Variants in TENM2 observed in about 807,000 individuals in gnomAD.
The protein encoded by TENM2 is teneurin transmembrane protein 2.
Under a neutral mutation model 245.2 loss-of-function variants are expected in TENM2, and 52 were observed. That is an observed-to-expected ratio of 0.21 (90% confidence interval 0.17 to 0.27). The LOEUF (loss-of-function observed/expected upper bound fraction) is 0.27, where lower values mean the gene tolerates loss of function less well. TENM2 is among the 10% of genes least tolerant of loss of function. TENM2 has a pLI of 1.00. For missense variants in TENM2, 3,046 were observed against 3,666.8 expected (o/e 0.83, Z 4.37); for synonymous variants, 1,363 against 1,438.9 (o/e 0.95, Z 1.19).
chr5:167,747,876 C>T (rs1295630439), intron 2 of TENM2, among the ~76,000 whole-genome samples: 1 of 152,132 alleles, frequency 6.6e-6, no homozygotes, highest in African/African-American at 2.4e-5. Context: ...CACTGAATTT[C>T]ATTTCAAGTC....
chr5:168,122,753 C>T (rs1029108863), intron 10 of TENM2, among the ~76,000 whole-genome samples: 5 of 152,032 alleles, frequency 3.3e-5, no homozygotes, highest in African/African-American at 7.3e-5. Flanking sequence ...ATGCCTGAAA[C>T]GGTTTTGAAA....
rs368456511 is a variant in TENM2 at position 168,256,677 on chromosome 5, G to A, written c.7433-3606G>A. ...TGACCGCAGGTGATCCACCCGCCTC[G>A]GCCTCCCAAAATGCTGGGATTGCAG... On this transcript the variant is annotated intron_variant, in intron 27 of 28. Transcript: ENST00000518659. Among the ~76,000 whole-genome samples the A allele has an allele frequency of 2.4e-4, 37 of 152,106 alleles. No individual in the cohort carries two copies. In the South Asian group the frequency reaches 4.0e-3, roughly 16 times the overall value.
At chr5:167,376,679 T>C (rs1467654349) in intron 2 of TENM2, among the ~76,000 whole-genome samples, 2 of 152,226 alleles carry the variant, frequency 1.3e-5, no homozygotes, top group Admixed American at 1.3e-4. Flanking sequence ...CCTCCGTTCA[T>C]GTAGCTAATC....
intron 2 of TENM2, among the ~76,000 whole-genome samples, chr5:167,478,161 C>G (rs1015697461): frequency 6.6e-6 from 1 of 152,186 alleles, no homozygotes; most frequent in Non-Finnish European, 1.5e-5. Context: ...ACAAACAAGG[C>G]TCAATGGCCA....
At chr5:167,078,933 G>T in the TENM2 span, among the ~76,000 whole-genome samples, 1 of 152,058 alleles carries the variant, frequency 6.6e-6, no homozygotes. Context: ...GTTAGACAGC[G>T]ATATCACAAA....
intron 2 of TENM2, among the ~76,000 whole-genome samples, chr5:167,758,788 A>T (rs986101175): frequency 2.0e-5 from 3 of 152,032 alleles, no homozygotes; most frequent in African/African-American, 7.2e-5. Flanking sequence ...AACCTTGACC[A>T]CAACTGTTTA....
chr5:167,630,297 A>T (rs1778783371), intron 2 of TENM2, among the ~76,000 whole-genome samples: 1 of 152,084 alleles, frequency 6.6e-6, no homozygotes. Flanking sequence ...GCACTGTGAC[A>T]CCCTACAGTG....
intron 7 of TENM2, among the ~76,000 whole-genome samples, chr5:168,082,709 G>A (rs1029323106): frequency 6.6e-6 from 1 of 152,132 alleles, no homozygotes. Context: ...GGAGTTTGCT[G>A]GAGATCCACT....
intron 2 of TENM2, among the ~76,000 whole-genome samples, chr5:167,855,775 G>A: frequency 1.5e-5 from 2 of 129,990 alleles, no homozygotes; most frequent in Non-Finnish European, 3.3e-5. Flanking sequence ...GGGAGGGAAT[G>A]AGGGAAGGAG....
chr5:168,113,884 A>G (rs1794867501), intron 9 of TENM2, among the ~76,000 whole-genome samples: 2 of 152,194 alleles, frequency 1.3e-5, no homozygotes, highest in Admixed American at 1.3e-4. Flanking sequence ...AAGCCTTAGG[A>G]AGAAGAGAGA....
At chr5:167,960,692 C>A (rs944638398) in intron 4 of TENM2, among the ~76,000 whole-genome samples, 4 of 152,174 alleles carry the variant, frequency 2.6e-5, no homozygotes, top group African/African-American at 9.7e-5. Flanking sequence ...AGCCCCCTTT[C>A]CAGGGGAGTG....
intron 12 of TENM2, among the ~76,000 whole-genome samples, chr5:168,141,036 C>G (rs992082396): frequency 6.6e-6 from 1 of 152,014 alleles, no homozygotes; most frequent in African/African-American, 2.4e-5. Flanking sequence ...GGTTCAAGAG[C>G]TTTGCTACAT....
chr5:167,186,064 A>G, the TENM2 span, among the ~76,000 whole-genome samples: 2 of 152,296 alleles, frequency 1.3e-5, no homozygotes, highest in African/African-American at 4.8e-5. Context: ...GTAAGAAGAT[A>G]AAAACATTTA....
chr5:167,889,832 A>C (rs1774603472), intron 3 of TENM2, among the ~76,000 whole-genome samples: 1 of 151,692 alleles, frequency 6.6e-6, no homozygotes, highest in South Asian at 2.1e-4. Context: ...CTTCTCGTGA[A>C]GACTAAAAAC....
the TENM2 span, among the ~76,000 whole-genome samples, chr5:167,154,374 T>C: frequency 1.3e-5 from 2 of 152,208 alleles, no homozygotes; most frequent in Admixed American, 1.3e-4. Context: ...TTGACAACAC[T>C]TCTACATTGC....
chr5:167,248,663 C>G, the TENM2 span, among the ~76,000 whole-genome samples: 2 of 151,996 alleles, frequency 1.3e-5, no homozygotes, highest in African/African-American at 4.8e-5. Context: ...GCAAAGCAGA[C>G]TTGCAAACAA....
chr5:167,897,804 A>C (rs2909798), intron 3 of TENM2, among the ~76,000 whole-genome samples: 37,773 of 151,728 alleles, frequency 0.25, 6,081 homozygotes, highest in East Asian at 0.76. Context: ...AAGTAGGTAG[A>C]TATAGGTAGG....
chr5:167,165,205 T>C, the TENM2 span: 2 of 152,152 alleles, frequency 1.3e-5, no homozygotes, highest in African/African-American at 4.8e-5. Flanking sequence ...TTCTTGCTCA[T>C]GTCACAGTTC....
chr5:167,286,048 C>T (rs964673670), intron 1 of TENM2, among the ~76,000 whole-genome samples: 11 of 152,168 alleles, frequency 7.2e-5, no homozygotes, highest in Non-Finnish European at 1.2e-4. Context: ...CTTTTTATTA[C>T]AAAATGTGCA....
Sources: allele counts gnomAD v4.1 joint callset (sites outside exome capture counted in the v4.1 genomes callset), GRCh38; gene constraint gnomAD v4.1.1; transcripts MANE v1.5; gene names NCBI Gene and HGNC (gene_info 2026-07-23, HGNC 2026-07-21).